SYN3: variants seen among roughly 807,000 people sequenced by gnomAD.
The protein encoded by SYN3 is synapsin-3.
Under a neutral mutation model 65.8 loss-of-function variants are expected in SYN3, and 35 were observed. That is an observed-to-expected ratio of 0.53 (90% confidence interval 0.41 to 0.70). SYN3 has a LOEUF of 0.70. Among genes scored for constraint, SYN3 ranks in the 30% least tolerant of loss-of-function variants. The pLI, the probability that SYN3 is intolerant of heterozygous loss-of-function variation, is 0.00. For missense variants in SYN3, 680 were observed against 749.0 expected, an observed-to-expected ratio of 0.91 and a Z score of 1.08; for synonymous variants, 270 against 292.9, an observed-to-expected ratio of 0.92 and a Z score of 0.80.
chr22:32,975,002 C>A (rs1360251601), intron 3 of SYN3, among the ~76,000 whole-genome samples: 1 of 152,136 alleles, frequency 6.6e-6, no homozygotes, highest in Non-Finnish European at 1.5e-5. Context: ...ACCCCTACAC[C>A]GCATTTCCTC....
chr22:32,553,702 T>C (rs1001161201), intron 7 of SYN3, among the ~76,000 whole-genome samples: 3 of 152,324 alleles, frequency 2.0e-5, no homozygotes, highest in African/African-American at 7.2e-5. Flanking sequence ...GTCAGCCTAC[T>C]CTGGCCTTTT....
chr22:32,992,794 C>A (rs774776373), intron 2 of SYN3, among the ~76,000 whole-genome samples: 1 of 152,088 alleles, frequency 6.6e-6, no homozygotes, highest in Non-Finnish European at 1.5e-5. Flanking sequence ...GCCTGGGTGA[C>A]ATAGCGAGAC....
chr22:32,643,568 G>GGAAAA (rs2059937580), intron 6 of SYN3, among the ~76,000 whole-genome samples: 1 of 103,574 alleles, frequency 9.7e-6, no homozygotes, highest in Non-Finnish European at 1.9e-5. Flanking sequence ...GGGGGGGGCA[G>GGAAAA]AACAGACCCA....
At chr22:32,563,273 C>G (rs1339237671) in intron 7 of SYN3, among the ~76,000 whole-genome samples, 2 of 152,142 alleles carry the variant, frequency 1.3e-5, no homozygotes, top group Non-Finnish European at 2.9e-5. Flanking sequence ...TATGAATAAT[C>G]CTATGAAGAT....
intron 3 of SYN3, among the ~76,000 whole-genome samples, chr22:32,969,152 T>G (rs918989922): frequency 6.6e-6 from 1 of 152,138 alleles, no homozygotes; most frequent in African/African-American, 2.4e-5. Context: ...TGAGCTGGGT[T>G]TCCCAGTGCA....
chr22:32,721,371 A>G (rs1416762150), intron 6 of SYN3, among the ~76,000 whole-genome samples: 1 of 152,108 alleles, frequency 6.6e-6, no homozygotes, highest in South Asian at 2.1e-4. Flanking sequence ...CCCTGCCTCC[A>G]TCTTGCTCCT....
At chr22:32,669,166 A>G (rs1024407303) in intron 6 of SYN3, among the ~76,000 whole-genome samples, 3 of 152,314 alleles carry the variant, frequency 2.0e-5, no homozygotes, top group African/African-American at 4.8e-5. Context: ...GTTCTTAGAC[A>G]CTAAGGCTAG....
At chr22:32,948,681 G>C (rs887222651) in intron 3 of SYN3, among the ~76,000 whole-genome samples, 1 of 152,052 alleles carries the variant, frequency 6.6e-6, no homozygotes, top group Non-Finnish European at 1.5e-5. Context: ...AGCTTGCAGT[G>C]AGCCGAGATC....
intron 6 of SYN3, among the ~76,000 whole-genome samples, chr22:32,715,778 CAAAAAAAA>C: frequency 1.5e-5 from 1 of 67,596 alleles, no homozygotes; most frequent in Middle Eastern, 8.3e-3. Flanking sequence ...GACTCTGTCT[CAAAAAAAA>C]AAAAAAAAAA....
intron 6 of SYN3, among the ~76,000 whole-genome samples, chr22:32,780,921 CTTCCTTCCTTCCT>C (rs1443406386): frequency 1.1e-4 from 12 of 113,090 alleles, no homozygotes; most frequent in African/African-American, 4.5e-4. Context: ...TGCTTCCTTC[CTTCCTTCCTTCCT>C]TTCCTTCCTT....
chr22:32,637,574 T>C (rs775179479), intron 6 of SYN3, among the ~76,000 whole-genome samples: 3 of 151,944 alleles, frequency 2.0e-5, no homozygotes, highest in Non-Finnish European at 2.9e-5. Flanking sequence ...TGAATGATCC[T>C]GTCACTCAGG....
intron 6 of SYN3, among the ~76,000 whole-genome samples, chr22:32,723,375 T>G (rs2147299704): frequency 6.6e-6 from 1 of 152,304 alleles, no homozygotes; most frequent in South Asian, 2.1e-4. Context: ...GGGCTATACA[T>G]GTGTTGGCTA....
At chr22:32,922,156 C>T (rs912620721) in intron 4 of SYN3, among the ~76,000 whole-genome samples, 22 of 152,236 alleles carry the variant, frequency 1.4e-4, no homozygotes, top group African/African-American at 5.3e-4. Context: ...TCTTCCATGT[C>T]GTTGTTCGAT....
At chr22:32,874,203 A>G (rs2048925084) in intron 4 of SYN3, among the ~76,000 whole-genome samples, 1 of 152,182 alleles carries the variant, frequency 6.6e-6, no homozygotes. Flanking sequence ...TTCCTGCCGT[A>G]GAGCCCCACT....
chr22:32,779,456 T>C (rs557800616), intron 6 of SYN3, among the ~76,000 whole-genome samples: 1 of 151,808 alleles, frequency 6.6e-6, no homozygotes, highest in East Asian at 1.9e-4. Flanking sequence ...TGAGATTCTG[T>C]CTCGAAAAAC....
At chr22:32,537,956 T>C (rs2058192756) in intron 9 of SYN3, 80 bp downstream of exon 9, 1 of 1,347,498 alleles carries the variant, frequency 7.4e-7, no homozygotes, top group African/African-American at 1.4e-5. Context: ...AGTGGCCTTC[T>C]CTTCAGGGCC....
intron 1 of SYN3, among the ~76,000 whole-genome samples, chr22:33,048,265 T>TA (rs145395122): frequency 0.014 from 2,167 of 150,436 alleles, 56 homozygotes; most frequent in African/African-American, 0.05. Flanking sequence ...TCATTATTGT[T>TA]AAAAAAAAAA....
chr22:32,989,835 C>CAAAA (rs112695934), intron 2 of SYN3, among the ~76,000 whole-genome samples: 29,772 of 87,228 alleles, frequency 0.34, 5,014 homozygotes, highest in Non-Finnish European at 0.42. Flanking sequence ...ACTCCATCTT[C>CAAAA]AAAAAAAAAA....
At chr22:32,629,710 G>C (rs955068485) in intron 6 of SYN3, 1 of 151,868 alleles carries the variant, frequency 6.6e-6, no homozygotes, top group Non-Finnish European at 1.5e-5. Flanking sequence ...CTTCCTTCTC[G>C]TCCAGCTCCC....
Sources: allele counts gnomAD v4.1 joint callset (sites outside exome capture counted in the v4.1 genomes callset), GRCh38; gene constraint gnomAD v4.1.1; transcripts MANE v1.5; gene names NCBI Gene and HGNC (gene_info 2026-07-23, HGNC 2026-07-21).